Variants in IQSEC1 observed in about 807,000 individuals in gnomAD.
IQSEC1 encodes IQ motif and SEC7 domain-containing protein 1.
Under a neutral mutation model 91.0 loss-of-function variants are expected in IQSEC1, and 31 were observed. That is an observed-to-expected ratio of 0.34 (90% CI 0.26 to 0.46). The LOEUF is 0.46. IQSEC1 is among the 20% of genes least tolerant of loss of function. The pLI is 1.00. For missense variants in IQSEC1, 1,388 were observed against 1,575.6 expected (o/e 0.88, Z 2.02); for synonymous variants, 699 against 662.6 (o/e 1.05, Z -0.84).
At chr3:13,170,630 G>A (rs1693589255) in intron 1 of IQSEC1, among the ~76,000 whole-genome samples, 1 of 152,238 alleles carries the variant, frequency 6.6e-6, no homozygotes, top group African/African-American at 2.4e-5. Context: ...CCAACCAAGA[G>A]GGCCGCTCTA....
chr3:13,169,763 G>C (rs933300676), intron 1 of IQSEC1, among the ~76,000 whole-genome samples: 22 of 152,216 alleles, frequency 1.4e-4, no homozygotes, highest in African/African-American at 5.3e-4. Context: ...CTTTGAACTT[G>C]AGAGAGATGA....
At position 13,018,349 on chromosome 3, in the gene IQSEC1, A is replaced by G. The variant is rs960226813; in HGVS notation, c.23+54643T>C. On this transcript the variant is annotated intron_variant, in intron 1 of 13. Coordinates refer to ENST00000613206, the MANE Select transcript of IQSEC1 (RefSeq NM_001134382.3). Reference sequence around the variant, plus strand: ...AGATGCAGCCACGGTGGGAAGGCAGAGGGGGGCAGGGCCAGGGCAGCCAAG... The same window carrying G: ...AGATGCAGCCACGGTGGGAAGGCAGGGGGGGGCAGGGCCAGGGCAGCCAAG... Among the ~76,000 whole-genome samples the G allele has an allele frequency of 3.9e-5, 6 of 152,180 alleles. No individual in the cohort carries two copies. The East Asian group carries it at 1.2e-3, about 29-fold the overall frequency.
At chr3:13,035,194 C>T (rs1430457847) in intron 1 of IQSEC1, among the ~76,000 whole-genome samples, 2 of 152,240 alleles carry the variant, frequency 1.3e-5, no homozygotes, top group East Asian at 3.8e-4. Context: ...GGCGCCCCGG[C>T]TCCTAATCCA....
chr3:13,225,171 A>G (rs549621034), intron 1 of IQSEC1, among the ~76,000 whole-genome samples: 5 of 152,362 alleles, frequency 3.3e-5, no homozygotes, highest in Non-Finnish European at 5.9e-5. Context: ...ATGGACACCA[A>G]TGCATTTTAC....
Position 12,900,361 on chromosome 3 carries a change from T to C in IQSEC1, c.*622A>G, listed in dbSNP as rs1247838996. 1 of 984,932 alleles carries C rather than the reference T, an allele frequency of 1.0e-6. No homozygotes were observed. Among genetic ancestry groups the C allele is most frequent in the African/African-American group, 1.8e-5 (1 of 57,134 alleles). 61.0% of individuals were successfully genotyped at this position (984,932 alleles called of 1,614,324 possible). On this transcript the variant is annotated 3_prime_UTR_variant, in exon 14 of 14. Coordinates refer to ENST00000613206, the MANE Select transcript of IQSEC1 (RefSeq NM_001134382.3). ...CACACACCCAGCTAAGGTACTGTCT[T>C]CCTATTAGGTAAGTGGAGCTCCTTG...
upstream of IQSEC1, among the ~76,000 whole-genome samples, chr3:13,077,026 CTTTCTT>C (rs1256013532): frequency 2.4e-5 from 2 of 82,152 alleles, no homozygotes; most frequent in African/African-American, 1.1e-4. Flanking sequence ...AAATTTCTTT[CTTTCTT>C]TTTTTTTTTT....
In IQSEC1 at chr3:12,900,342, C is replaced by G; in HGVS notation, c.*641G>C. On this transcript the variant is annotated 3_prime_UTR_variant, in exon 14 of 14. Coordinates refer to ENST00000613206, the MANE Select transcript of IQSEC1 (RefSeq NM_001134382.3). ...AGGGTTTGGTCTATTGTCTCACACA[C>G]CCAGCTAAGGTACTGTCTTCCTATT... is the stretch of plus-strand genomic sequence containing the variant. 5 of 984,904 alleles carry G rather than the reference C, an allele frequency of 5.1e-6. No homozygotes were observed. Among genetic ancestry groups the G allele is most frequent in the African/African-American group, 1.7e-5 (1 of 57,264 alleles). The allele number at this position is 984,904 out of a possible 1,614,324, so 61.0% of individuals were successfully genotyped here.
In IQSEC1 at chr3:13,103,774, C is replaced by T. The variant is rs1208607358; in HGVS notation, c.303-56252G>A. The stretch of plus-strand genomic sequence containing the variant: ...GGAGCTCCCCGGTATTCCATGTTGC[C>T]TACCACCCTACGAGGGCAGGGGCTG... On this transcript the variant is annotated intron_variant, in intron 2 of 15. Transcript: ENST00000648114. The surrounding 1 kb of genome is among the most constrained non-coding windows in gnomAD (Gnocchi z 4.1). 6.6e-6 allele frequency among the ~76,000 whole-genome samples: 1 copy of T among 152,170 alleles called. No individual in the cohort carries two copies. The highest frequency in any genetic ancestry group is 1.5e-5 in the Non-Finnish European group (1 of 68,030).
rs774589168 is a variant in IQSEC1, at chr3:13,154,438, CATATATATATATATATATATAT to C, written c.302+9644_302+9665del. Among the ~76,000 whole-genome samples the C allele has an allele frequency of 1.2e-3, 24 of 20,758 alleles. 3 individuals are homozygous for C. Among genetic ancestry groups the C allele is most frequent in the African/African-American group, 4.6e-3 (20 of 4,366 alleles). The allele number at this position is 20,758 out of a possible 152,430, so 13.6% of individuals were successfully genotyped here. A position where few individuals can be genotyped will look rare whatever the true frequency, so the allele number is the denominator to read the frequency against. On this transcript the variant is annotated intron_variant, in intron 2 of 15. Coordinates refer to the IQSEC1 transcript ENST00000648114. ...ACACCAGGAAGCTGGAACTTACATG[CATATATATATATATATATATAT>C]ATATATATATATATATGCAAAAACT...
chr3:13,274,533 C>T (rs1398898970), intron 1 of IQSEC1, among the ~76,000 whole-genome samples: 1 of 152,256 alleles, frequency 6.6e-6, no homozygotes, highest in Non-Finnish European at 1.5e-5. Flanking sequence ...TAAACCACCA[C>T]AGGTGCTTCC....
chr3:13,119,724 G>A (rs916151560), intron 2 of IQSEC1, among the ~76,000 whole-genome samples: 1 of 152,270 alleles, frequency 6.6e-6, no homozygotes, highest in Non-Finnish European at 1.5e-5. Context: ...TTCAGGAGGA[G>A]CAGGTATGCA....
At chr3:13,133,508 C>T (rs540829681) in intron 2 of IQSEC1, among the ~76,000 whole-genome samples, 1 of 152,328 alleles carries the variant, frequency 6.6e-6, no homozygotes, top group Non-Finnish European at 1.5e-5. Context: ...TGCAGCATCT[C>T]CCTGCATTGG....
chr3:13,200,771 C>T (rs1694229574), intron 1 of IQSEC1, among the ~76,000 whole-genome samples: 2 of 152,236 alleles, frequency 1.3e-5, no homozygotes, highest in South Asian at 4.1e-4. Context: ...ACTGTTTCAT[C>T]AGCTCTTGAT....
intron 1 of IQSEC1, among the ~76,000 whole-genome samples, chr3:13,026,024 C>T (rs574851714): frequency 3.9e-5 from 6 of 152,356 alleles, no homozygotes; most frequent in East Asian, 3.9e-4. Context: ...GCTCTGGGCC[C>T]GGGACTGCAG....
At chr3:13,160,840 G>A (rs1007828499) in intron 2 of IQSEC1, among the ~76,000 whole-genome samples, 1 of 152,236 alleles carries the variant, frequency 6.6e-6, no homozygotes. Context: ...TGGCACCATC[G>A]AGCCACAACT....
intron 1 of IQSEC1, among the ~76,000 whole-genome samples, chr3:13,176,622 C>T (rs1379490715): frequency 6.6e-6 from 1 of 152,190 alleles, no homozygotes; most frequent in African/African-American, 2.4e-5. Context: ...GGCACCATGA[C>T]CCCAGGCTTT....
intron 1 of IQSEC1, among the ~76,000 whole-genome samples, chr3:12,989,206 ATG>A (rs1701878691): frequency 6.6e-6 from 1 of 152,232 alleles, no homozygotes; most frequent in Non-Finnish European, 1.5e-5. Flanking sequence ...CCCGGAGGGC[ATG>A]GCTTTCGGTC....
intron 1 of IQSEC1, among the ~76,000 whole-genome samples, chr3:13,063,490 G>C (rs571837855): frequency 6.6e-6 from 1 of 152,248 alleles, no homozygotes; most frequent in African/African-American, 2.4e-5. Flanking sequence ...GCACAGGGCA[G>C]AGGAGGGCAG....
intron 2 of IQSEC1, among the ~76,000 whole-genome samples, chr3:13,159,108 C>G (rs1210731371): frequency 6.6e-6 from 1 of 152,108 alleles, no homozygotes; most frequent in Non-Finnish European, 1.5e-5. Context: ...TTCAGGCAGC[C>G]TGTTAAGATC....
Sources: allele counts gnomAD v4.1 joint callset (sites outside exome capture counted in the v4.1 genomes callset), GRCh38; gene constraint gnomAD v4.1.1; non-coding constraint Gnocchi (gnomAD v3.1); transcripts MANE v1.5; gene names NCBI Gene and HGNC (gene_info 2026-07-23, HGNC 2026-07-21).